TSPAN17: variants seen among roughly 807,000 people sequenced by gnomAD.
TSPAN17 encodes tetraspanin 17, also known as tetraspanin-17.
TSPAN17 carries 33 observed loss-of-function variants against 40.5 expected under a neutral mutation model. The ratio of observed to expected loss-of-function variants is 0.81; its 90% CI spans 0.62 to 1.09. The LOEUF (loss-of-function observed/expected upper bound fraction) is 1.09. Among genes scored for constraint, TSPAN17 ranks in the 50% least tolerant of loss-of-function variants. The pLI is 0.00. For synonymous variants in TSPAN17, 166 were observed against 169.4 expected, an observed-to-expected ratio of 0.98 and a Z score of 0.15; for missense variants, 365 against 416.8, an observed-to-expected ratio of 0.88 and a Z score of 1.08.
At position 176,647,516 on chromosome 5, in the gene TSPAN17, C is replaced by T; in HGVS notation, c.-100C>T. The stretch of plus-strand genomic sequence containing the variant: ...GTGGCCGAGGCCATGAAGCCGCAGC[C>T]GCCCGGCTAGGCCCCGGGCGGCTCT... On this transcript the variant is annotated 5_prime_UTR_variant, in exon 1 of 9. Transcript: ENST00000508164. 2 of 904,812 alleles carry T rather than the reference C, an allele frequency of 2.2e-6. No individual in the cohort carries two copies. Among genetic ancestry groups the T allele is most frequent in the Non-Finnish European group, 3.0e-6 (2 of 665,974 alleles). 56.0% of individuals were successfully genotyped at this position (904,812 alleles called of 1,614,324 possible).
Position 176,651,716 on chromosome 5 carries a change from G to C in TSPAN17, c.139-38G>C. On this transcript the variant is annotated intron_variant, in intron 2 of 8. Coordinates refer to ENST00000508164, the MANE Select transcript of TSPAN17 (RefSeq NM_130465.5). The surrounding 1 kb of genome is among the most constrained non-coding windows in gnomAD (Gnocchi z 4.5). ...CTGGTATGGGACGAGGTGGTGGGAA[G>C]GTCAGCTCCCCACACCTGCCTCTGC... is the stretch of plus-strand genomic sequence containing the variant. The C allele has an allele frequency of 6.2e-7, 1 of 1,613,972 alleles. No individual in the cohort carries two copies. Among genetic ancestry groups the C allele is most frequent in the Non-Finnish European group, 8.5e-7 (1 of 1,179,852 alleles).
intron 1 of TSPAN17, among the ~76,000 whole-genome samples, chr5:176,649,956 G>A (rs1760900315): frequency 6.6e-6 from 1 of 152,148 alleles, no homozygotes; most frequent in South Asian, 2.1e-4. Flanking sequence ...TCTAAAGCTG[G>A]CGTCCAACCC....
intron 1 of TSPAN17, among the ~76,000 whole-genome samples, chr5:176,648,462 T>A (rs537934512): frequency 2.0e-5 from 3 of 152,226 alleles, no homozygotes; most frequent in African/African-American, 4.8e-5. Flanking sequence ...AGGTCATTTT[T>A]CCCATCTCTC....
intron 7 of TSPAN17, 37 bp downstream of exon 7, chr5:176,656,853 G>A: frequency 6.2e-7 from 1 of 1,614,202 alleles, no homozygotes. Flanking sequence ...CCCCTTGCCG[G>A]GGCCGCCCTC....
intron 1 of TSPAN17, among the ~76,000 whole-genome samples, chr5:176,649,991 G>A (rs139202733): frequency 2.4e-4 from 37 of 152,014 alleles, no homozygotes; most frequent in African/African-American, 8.9e-4. Context: ...TCGTCGCCCC[G>A]CTCGATATTT....
intron 1 of TSPAN17, 70 bp downstream of exon 1, chr5:176,647,772 G>T: frequency 1.4e-6 from 2 of 1,409,498 alleles, no homozygotes; most frequent in East Asian, 2.8e-5. Flanking sequence ...TCTTTTGCTG[G>T]GGGAGACCAC....
At chr5:176,656,008 A>G in intron 5 of TSPAN17, 70 bp from the exon 6 acceptor site, 1 of 1,470,114 alleles carries the variant, frequency 6.8e-7, no homozygotes, top group Non-Finnish European at 9.5e-7. Context: ...AAGCCACCGC[A>G]CTGCCCAGGT....
chr5:176,657,470 G>C, intron 8 of TSPAN17, 48 bp from the exon 9 acceptor site: 2 of 1,551,346 alleles, frequency 1.3e-6, no homozygotes, highest in Non-Finnish European at 1.7e-6. Context: ...CAGTGTCCCA[G>C]ACTCTGAAAT....
rs376041408 is a variant in TSPAN17, at chr5:176,654,846, G to T, written c.457-49G>T. The T allele has an allele frequency of 4.2e-5, 67 of 1,604,800 alleles. No individual in the cohort carries two copies. Among genetic ancestry groups the T allele is most frequent in the Non-Finnish European group, 5.5e-5 (65 of 1,175,418 alleles). ...TGGGCTTGTTCCCAAACAGGGTGAG[G>T]CTCCTGGGATGGGCCTGGCTCACCT... On this transcript the variant is annotated intron_variant, in intron 4 of 8. Transcript: ENST00000508164. This position sits in a 1 kb window ranked among gnomAD's most constrained non-coding sequence, Gnocchi z 4.3.
chr5:176,656,059 C>A lies in TSPAN17; in HGVS notation c.583-19C>A. ...GGATGCGTCCTCACCAAGTCACTAA[C>A]TGGCCTGTCTCCCCTCAGGAGGATG... On this transcript the variant is annotated intron_variant, in intron 5 of 8. Coordinates refer to ENST00000508164, the MANE Select transcript of TSPAN17 (RefSeq NM_130465.5). 1 of 1,614,040 alleles carries A rather than the reference C, an allele frequency of 6.2e-7. No homozygotes were observed. The highest frequency in any genetic ancestry group is 8.5e-7 in the Non-Finnish European group (1 of 1,179,896).
In TSPAN17 at chr5:176,657,556, C is replaced by T. The variant is rs199830470; in HGVS notation, c.848C>T (p.Thr283Met). ...GATGACTTTGAAAACCACTGGCTTA[C>T]GCCCACCATTTCCGAGGTCCTGTCC... The part of the protein sequence containing the change: ...WNDDFENHWL[T>M]PTISEVLSTA... Residue 283 changes from threonine (T) to methionine (M), a missense_variant, in exon 9 of 9, where the codon ACG becomes ATG. Thr to Met is a moderately conservative substitution (Grantham distance 81). Transcript: ENST00000508164. The T allele has an allele frequency of 9.6e-5, 155 of 1,610,830 alleles. 1 individual carries two copies. Among genetic ancestry groups the T allele is most frequent in the Admixed American group, 4.0e-4 (24 of 59,604 alleles).
Position 176,654,518 on chromosome 5 carries a change from C to T in TSPAN17, c.457-377C>T. On this transcript the variant is annotated intron_variant, in intron 4 of 8. Coordinates refer to ENST00000508164, the MANE Select transcript of TSPAN17 (RefSeq NM_130465.5). This position sits in a 1 kb window ranked among gnomAD's most constrained non-coding sequence, Gnocchi z 4.3. ...GGAGGGCTTTGTAGAACCTCTGGGG[C>T]AAGTGTGGGAGGCCTGCTGCAGACA... The T allele has an allele frequency of 1.4e-5, 3 of 218,522 alleles. No individual in the cohort carries two copies. Among genetic ancestry groups the T allele is most frequent in the Middle Eastern group, 8.9e-4 (2 of 2,246 alleles). 13.5% of individuals were successfully genotyped at this position (218,522 alleles called of 1,614,324 possible).
Position 176,654,674 on chromosome 5 carries a change from CGGGGAA to C in TSPAN17, c.457-216_457-211del. The C allele has an allele frequency of 1.8e-6, 1 of 551,870 alleles. No homozygotes were observed. Among genetic ancestry groups the C allele is most frequent in the Non-Finnish European group, 3.2e-6 (1 of 310,950 alleles). The allele number at this position is 551,870 out of a possible 1,614,324, so 34.2% of individuals were successfully genotyped here. ...TCCCTTTTTCTAGCCTCTCTTGGGT[CGGGGAA>C]GGGGGAGCTCAGTGTCCCCTCCCTT... On this transcript the variant is annotated intron_variant, in intron 4 of 8. Coordinates refer to ENST00000508164, the MANE Select transcript of TSPAN17 (RefSeq NM_130465.5). This position sits in a 1 kb window ranked among gnomAD's most constrained non-coding sequence, Gnocchi z 4.3.
intron 1 of TSPAN17, 58 bp downstream of exon 1, chr5:176,647,760 A>T: frequency 6.8e-7 from 1 of 1,480,594 alleles, no homozygotes; most frequent in Non-Finnish European, 9.1e-7. Flanking sequence ...AGGGAGATTC[A>T]GTCTTTTGCT....
intron 3 of TSPAN17, among the ~76,000 whole-genome samples, chr5:176,652,395 A>T (rs1761002217): frequency 6.6e-6 from 1 of 152,204 alleles, no homozygotes; most frequent in Non-Finnish European, 1.5e-5. Context: ...CGAGGGAGGC[A>T]GTGCTCTGAT....
At chr5:176,647,777 G>C (rs552742790) in intron 1 of TSPAN17, 75 bp downstream of exon 1, 1 of 1,373,612 alleles carries the variant, frequency 7.3e-7, no homozygotes, top group East Asian at 2.8e-5. Flanking sequence ...TGCTGGGGGA[G>C]ACCACTCCCT....
At position 176,654,685 on chromosome 5, in the gene TSPAN17, G is replaced by C; in HGVS notation, c.457-210G>C. 1 of 573,564 alleles carries C rather than the reference G, an allele frequency of 1.7e-6. No homozygotes were observed. The highest frequency in any genetic ancestry group is 3.1e-6 in the Non-Finnish European group (1 of 325,444). The allele number at this position is 573,564 out of a possible 1,614,324, so 35.5% of individuals were successfully genotyped here. ...AGCCTCTCTTGGGTCGGGGAAGGGG[G>C]AGCTCAGTGTCCCCTCCCTTGCACC... is the stretch of plus-strand genomic sequence containing the variant. On this transcript the variant is annotated intron_variant, in intron 4 of 8. Coordinates refer to ENST00000508164, the MANE Select transcript of TSPAN17 (RefSeq NM_130465.5). The surrounding 1 kb of genome is among the most constrained non-coding windows in gnomAD (Gnocchi z 4.3).
In TSPAN17 at chr5:176,649,417, CCTTTTTT is replaced by C. The variant is rs577196329; in HGVS notation, c.87+1730_87+1736del. 2.1e-3 allele frequency among the ~76,000 whole-genome samples: 311 copies of C among 151,206 alleles called. 2 individuals carry two copies. Among genetic ancestry groups the C allele is most frequent in the African/African-American group, 6.9e-3 (284 of 40,900 alleles). On this transcript the variant is annotated intron_variant, in intron 1 of 8. Coordinates refer to ENST00000508164, the MANE Select transcript of TSPAN17 (RefSeq NM_130465.5). Reference sequence around the variant, plus strand: ...TCTGTTTGGAAACTGCTTGTGGTTTCCTTTTTTCTTTTTTCTTTTTTTTTTTTGAGAC... The same window carrying C: ...TCTGTTTGGAAACTGCTTGTGGTTTCCTTTTTTCTTTTTTTTTTTTGAGAC...
At position 176,654,103 on chromosome 5, in the gene TSPAN17, C is replaced by G. The variant is rs549739121; in HGVS notation, c.457-792C>G. ...AGTGTTCTGTAGCAGGAGCAGCTGG[C>G]GCTGAGCAGGTGCCAGGAGGCAGGT... On this transcript the variant is annotated intron_variant, in intron 4 of 8. Coordinates refer to ENST00000508164, the MANE Select transcript of TSPAN17 (RefSeq NM_130465.5). This position sits in a 1 kb window ranked among gnomAD's most constrained non-coding sequence, Gnocchi z 4.3. 1 of 152,380 alleles carries G rather than the reference C, an allele frequency of 6.6e-6. No individual in the cohort carries two copies. Among genetic ancestry groups the G allele is most frequent in the South Asian group, 2.1e-4 (1 of 4,834 alleles). 9.4% of individuals were successfully genotyped at this position (152,380 alleles called of 1,614,324 possible).
Sources: gnomAD v4.1 joint callset for allele counts (sites outside exome capture counted in the v4.1 genomes callset) on GRCh38, gnomAD v4.1.1 for gene constraint, Gnocchi (gnomAD v3.1) non-coding constraint, MANE v1.5 for transcripts, NCBI Gene and HGNC (gene_info 2026-07-23, HGNC 2026-07-21) for gene names.